Variants in CSNK1G1 observed in about 807,000 individuals in gnomAD.
The protein encoded by CSNK1G1 is casein kinase I isoform gamma-1.
CSNK1G1 carries 22 observed loss-of-function variants against 59.6 expected under a neutral mutation model. The ratio of observed to expected loss-of-function variants is 0.37; its 90% confidence interval spans 0.26 to 0.53. The LOEUF is 0.53. CSNK1G1 is among the 20% of genes least tolerant of loss of function. The pLI is 0.89. For synonymous variants in CSNK1G1, 179 were observed against 177.1 expected (o/e 1.01, Z -0.08); for missense variants, 384 against 519.5 (o/e 0.74, Z 2.54).
intron 7 of CSNK1G1, among the ~76,000 whole-genome samples, chr15:64,206,355 G>A (rs898509154): frequency 6.6e-6 from 1 of 152,044 alleles, no homozygotes; most frequent in Non-Finnish European, 1.5e-5. Flanking sequence ...CAGGAGAATT[G>A]CTTGAACCCA....
At chr15:64,299,310 C>T (rs1029280811) in intron 2 of CSNK1G1, among the ~76,000 whole-genome samples, 2 of 151,982 alleles carry the variant, frequency 1.3e-5, no homozygotes, top group East Asian at 1.9e-4. Flanking sequence ...TATAAATGGC[C>T]GGGCGCGGTG....
intron 4 of CSNK1G1, among the ~76,000 whole-genome samples, chr15:64,235,933 G>C (rs1030321260): frequency 6.6e-6 from 1 of 152,030 alleles, no homozygotes; most frequent in African/African-American, 2.4e-5. Flanking sequence ...GAACATAACA[G>C]GTAGAAAACT....
At chr15:64,339,749 C>G (rs1458990371) in intron 1 of CSNK1G1, among the ~76,000 whole-genome samples, 2 of 152,248 alleles carry the variant, frequency 1.3e-5, no homozygotes, top group Non-Finnish European at 2.9e-5. Flanking sequence ...CCACTGACAA[C>G]TGTCAGAGGA....
chr15:64,199,645 A>T (rs1423324801), intron 10 of CSNK1G1, among the ~76,000 whole-genome samples: 1 of 152,146 alleles, frequency 6.6e-6, no homozygotes, highest in Non-Finnish European at 1.5e-5. Flanking sequence ...GCCTGAGCTC[A>T]GGAGTTCGCA....
chr15:64,244,597 G>A (rs1327577983), intron 4 of CSNK1G1, among the ~76,000 whole-genome samples: 1 of 151,836 alleles, frequency 6.6e-6, no homozygotes, highest in Non-Finnish European at 1.5e-5. Flanking sequence ...AAAGAACAAA[G>A]CAAGGCCAGG....
rs116049140 is a variant in CSNK1G1, at chr15:64,257,501, C to T, written c.222+1700G>A. ...AACACTTTTAAGAATAACCAAATTC[C>T]TATAAATTAAAAAATATGGTTAATA... is the stretch of plus-strand genomic sequence containing the variant. On this transcript the variant is annotated intron_variant, in intron 3 of 11. Transcript: ENST00000303052. 8.4e-3 allele frequency among the ~76,000 whole-genome samples: 1,278 copies of T among 152,138 alleles called. 19 individuals are homozygous for T. The highest frequency in any genetic ancestry group is 0.029 in the African/African-American group (1,200 of 41,510).
rs1895253398 is a variant in CSNK1G1 at position 64,300,261 on chromosome 15, C to T, written c.181+58G>A. On this transcript the variant is annotated intron_variant, in intron 2 of 11. Coordinates refer to ENST00000303052, the MANE Select transcript of CSNK1G1 (RefSeq NM_022048.5). ...ATAAACGGCTTGTCTTGAAACACACCAAAGCTTATCATAGGTATTGTTGTT... is the reference window on the plus strand; with the variant it reads ...ATAAACGGCTTGTCTTGAAACACACTAAAGCTTATCATAGGTATTGTTGTT... 4 of 1,513,708 alleles carry T rather than the reference C, an allele frequency of 2.6e-6. No individual in the cohort carries two copies. In the Admixed American group the frequency reaches 5.4e-5, roughly 21 times the overall value. 93.8% of individuals were successfully genotyped at this position (1,513,708 alleles called of 1,614,324 possible).
intron 1 of CSNK1G1, among the ~76,000 whole-genome samples, chr15:64,353,121 T>C (rs567227474): frequency 2.2e-4 from 33 of 152,024 alleles, no homozygotes; most frequent in African/African-American, 7.5e-4. Flanking sequence ...TCTCACAAAT[T>C]TACACAAAAC....
At chr15:64,269,952 C>T (rs1596192146) in intron 2 of CSNK1G1, among the ~76,000 whole-genome samples, 1 of 151,988 alleles carries the variant, frequency 6.6e-6, no homozygotes, top group African/African-American at 2.4e-5. Context: ...TACAGGTGCA[C>T]GCCACCAGAC....
At chr15:64,251,101 AATAT>A (rs1892057627) in intron 4 of CSNK1G1, among the ~76,000 whole-genome samples, 1 of 152,228 alleles carries the variant, frequency 6.6e-6, no homozygotes, top group African/African-American at 2.4e-5. Context: ...ACGGTTCTGT[AATAT>A]TTCAGAATGT....
intron 1 of CSNK1G1, among the ~76,000 whole-genome samples, chr15:64,320,780 T>C (rs1896522098): frequency 6.6e-6 from 1 of 151,982 alleles, no homozygotes; most frequent in Non-Finnish European, 1.5e-5. Flanking sequence ...GAAATTTTAA[T>C]AAAATCTCCC....
In CSNK1G1 at chr15:64,203,161, T is replaced by C; in HGVS notation, c.1028A>G (p.Asp343Gly). 1.2e-6 allele frequency: 2 copies of C among 1,613,980 alleles called. No homozygotes were observed. The highest frequency in any genetic ancestry group is 4.5e-5 in the East Asian group (2 of 44,878). Reference sequence around the variant, plus strand: ...TCGAGTTATTGCAGATGCACCAGAATCTACGTGAACTGACCCTACTGGAGT... The same window carrying C: ...TCGAGTTATTGCAGATGCACCAGAACCTACGTGAACTGACCCTACTGGAGT... Reference protein sequence around the residue: ...IPTPVGSVHVDSGASAITRES... With the variant: ...IPTPVGSVHVGSGASAITRES... Residue 343 changes from aspartate (D) to glycine (G), a missense_variant, in exon 10 of 12, where the codon GAT (aspartate) becomes GGT (glycine). Transcript: ENST00000303052.
chr15:64,355,796 C>G (rs928526611), intron 1 of CSNK1G1, among the ~76,000 whole-genome samples, 192 bp downstream of exon 1: 1 of 152,210 alleles, frequency 6.6e-6, no homozygotes, highest in African/African-American at 2.4e-5. Flanking sequence ...AAACTCTCCA[C>G]CCGCTGTGTC....
intron 4 of CSNK1G1, among the ~76,000 whole-genome samples, chr15:64,233,660 C>G (rs1466552260): frequency 6.6e-6 from 1 of 152,124 alleles, no homozygotes; most frequent in African/African-American, 2.4e-5. Flanking sequence ...GAAAATTCGT[C>G]CTGGTCCAGA....
chr15:64,278,431 T>C (rs1380710324), intron 2 of CSNK1G1, among the ~76,000 whole-genome samples: 4 of 124,384 alleles, frequency 3.2e-5, no homozygotes, highest in Non-Finnish European at 6.6e-5. Context: ...TATATATATA[T>C]ATTTTTTTTT....
At position 64,214,144 on chromosome 15, in the gene CSNK1G1, T is replaced by C. The variant is rs959553168; in HGVS notation, c.445-20A>G. On this transcript the variant is annotated intron_variant, in intron 5 of 11. Transcript: ENST00000303052. This position sits in a 1 kb window ranked among gnomAD's most constrained non-coding sequence, Gnocchi z 4.3. Reference sequence around the variant, plus strand: ...AGAAAGCTGAAAGAGAAACAAATGATAGAAAGACTGTAAAGAAGTATATCA... The same window carrying C: ...AGAAAGCTGAAAGAGAAACAAATGACAGAAAGACTGTAAAGAAGTATATCA... 4 of 1,525,742 alleles carry C rather than the reference T, an allele frequency of 2.6e-6. No individual in the cohort carries two copies. Among genetic ancestry groups the C allele is most frequent in the African/African-American group, 2.7e-5 (2 of 73,094 alleles). 94.5% of individuals were successfully genotyped at this position (1,525,742 alleles called of 1,614,324 possible).
chr15:64,262,919 A>C (rs1007968212), intron 2 of CSNK1G1, among the ~76,000 whole-genome samples: 4 of 151,858 alleles, frequency 2.6e-5, no homozygotes, highest in Non-Finnish European at 5.9e-5. Flanking sequence ...GTCTCTACTA[A>C]AAATACAAAA....
chr15:64,264,730 A>G (rs1284281702), intron 2 of CSNK1G1, among the ~76,000 whole-genome samples: 1 of 152,254 alleles, frequency 6.6e-6, no homozygotes, highest in Non-Finnish European at 1.5e-5. Context: ...ATGCATATCA[A>G]TACACGTGAC....
At chr15:64,292,179 C>T (rs1040484392) in intron 2 of CSNK1G1, among the ~76,000 whole-genome samples, 1 of 149,434 alleles carries the variant, frequency 6.7e-6, no homozygotes, top group African/African-American at 2.5e-5. Context: ...CACTGCACTC[C>T]AGCCTGGGCG....
Sources: allele counts gnomAD v4.1 joint callset (sites outside exome capture counted in the v4.1 genomes callset), GRCh38; gene constraint gnomAD v4.1.1; non-coding constraint Gnocchi (gnomAD v3.1); transcripts MANE v1.5; gene names NCBI Gene and HGNC (gene_info 2026-07-23, HGNC 2026-07-21).